The following NPHS2 variants were observed in gnomAD, a reference collection of about 807,000 sequenced individuals.
The protein encoded by NPHS2 is NPHS2 stomatin family member, podocin, also known as podocin.
A neutral mutation model predicts 37.1 loss-of-function variants in NPHS2; 36 were observed. The observed-to-expected ratio is 0.97, with a 90% CI of 0.74 to 1.28. The LOEUF is 1.28. Among genes scored for constraint, NPHS2 ranks in the 50% most tolerant of loss-of-function variants. The pLI is 0.00. For synonymous variants in NPHS2, 196 were observed against 189.3 expected (o/e 1.04, Z -0.29); for missense variants, 447 against 488.1 (o/e 0.92, Z 0.79).
At chr1:179,571,571 G>A (rs745436735) in intron 1 of NPHS2, among the ~76,000 whole-genome samples, 23 of 152,216 alleles carry the variant, frequency 1.5e-4, no homozygotes, top group Non-Finnish European at 2.4e-4. Context: ...GAGCTCAAAC[G>A]CTGTGCTGGG....
At chr1:179,560,295 A>G (rs1320370478) in intron 3 of NPHS2, among the ~76,000 whole-genome samples, 1 of 152,128 alleles carries the variant, frequency 6.6e-6, no homozygotes, top group African/African-American at 2.4e-5. Context: ...ACCCAATATA[A>G]TATATAGGAT....
In NPHS2 at chr1:179,552,947, C is replaced by A. The variant is rs11799973; in HGVS notation, c.795-266G>T. On this transcript the variant is annotated intron_variant, in intron 6 of 7. Transcript: ENST00000367615. ...GCACAGCAGGTTTTGTATTGATGAG[C>A]TGTGCTCAGTTTTTCCGCTTAGGAT... Among the ~76,000 whole-genome samples the A allele has an allele frequency of 0.052, 7,938 of 152,280 alleles. 281 individuals carry two copies. Among genetic ancestry groups the A allele is most frequent in the Non-Finnish European group, 0.07 (4,771 of 68,026 alleles).
At chr1:179,552,439 G>A (rs1387557570) in intron 7 of NPHS2, 164 bp downstream of exon 7, 1 of 665,140 alleles carries the variant, frequency 1.5e-6, no homozygotes, top group Admixed American at 2.1e-5. Flanking sequence ...TTAGTCAGGG[G>A]ACTATTAACA....
chr1:179,558,246 T>TC (rs34024342), intron 4 of NPHS2, among the ~76,000 whole-genome samples: 93,681 of 151,800 alleles, frequency 0.62, 29,052 homozygotes, highest in Admixed American at 0.64. Context: ...TTTCTCCTTC[T>TC]CTCAACCCCT....
chr1:179,550,979 C>T lies in NPHS2; in HGVS notation c.*194G>A, dbSNP rs1673163590. The T allele has an allele frequency of 7.5e-6, 5 of 668,168 alleles. No individual in the cohort carries two copies. Among genetic ancestry groups the T allele is most frequent in the Non-Finnish European group, 1.3e-5 (5 of 389,750 alleles). 41.4% of individuals were successfully genotyped at this position (668,168 alleles called of 1,614,324 possible). On this transcript the variant is annotated 3_prime_UTR_variant, in exon 8 of 8. Transcript: ENST00000367615. Reference sequence around the variant, plus strand: ...GCTCTGACTAGATGAGTCACGGAAACATGTTGTCTGCCTTCTCTGTCATTA... The same window carrying T: ...GCTCTGACTAGATGAGTCACGGAAATATGTTGTCTGCCTTCTCTGTCATTA...
chr1:179,552,082 C>G (rs1477229885), intron 7 of NPHS2: 1 of 168,838 alleles, frequency 5.9e-6, no homozygotes, highest in Non-Finnish European at 1.3e-5. Flanking sequence ...GCCCCCTCAC[C>G]CACACCTCAG....
chr1:179,559,075 C>T (rs187955342), intron 4 of NPHS2, among the ~76,000 whole-genome samples: 39 of 152,200 alleles, frequency 2.6e-4, no homozygotes, highest in African/African-American at 9.4e-4. Context: ...GGCTCATGTG[C>T]TTATGGAAGC....
At chr1:179,562,488 A>G (rs1030856981) in intron 2 of NPHS2, among the ~76,000 whole-genome samples, 3 of 152,220 alleles carry the variant, frequency 2.0e-5, no homozygotes, top group Non-Finnish European at 4.4e-5. Flanking sequence ...ATTTGTGACT[A>G]TAGACAAATT....
At chr1:179,561,896 C>T (rs1441387253) in intron 2 of NPHS2, among the ~76,000 whole-genome samples, 2 of 152,066 alleles carry the variant, frequency 1.3e-5, no homozygotes, top group Non-Finnish European at 2.9e-5. Context: ...ACCTCTGCCT[C>T]CCGGGTTCAA....
Position 179,551,095 on chromosome 1 carries a change from T to C in NPHS2, c.*78A>G. On this transcript the variant is annotated 3_prime_UTR_variant, in exon 8 of 8. Coordinates refer to ENST00000367615, the MANE Select transcript of NPHS2 (RefSeq NM_014625.4). Reference sequence around the variant, plus strand: ...TGGCAACCAAAGGAAGGGCAGGGAATGAGGACAGAGTGTCTCCCTCAGGCA... The same window carrying C: ...TGGCAACCAAAGGAAGGGCAGGGAACGAGGACAGAGTGTCTCCCTCAGGCA... 1 of 1,582,892 alleles carries C rather than the reference T, an allele frequency of 6.3e-7. No homozygotes were observed. Among genetic ancestry groups the C allele is most frequent in the Non-Finnish European group, 8.7e-7 (1 of 1,154,430 alleles).
chr1:179,563,068 G>C (rs1165693376), intron 2 of NPHS2, among the ~76,000 whole-genome samples: 1 of 152,136 alleles, frequency 6.6e-6, no homozygotes, highest in Non-Finnish European at 1.5e-5. Flanking sequence ...ACTATACACT[G>C]TCTATAGGAG....
chr1:179,570,306 A>C (rs1289359966), intron 1 of NPHS2, among the ~76,000 whole-genome samples: 1 of 152,230 alleles, frequency 6.6e-6, no homozygotes, highest in Non-Finnish European at 1.5e-5. Flanking sequence ...TTCAGAGCTG[A>C]GATCCCGGAA....
intron 3 of NPHS2, among the ~76,000 whole-genome samples, chr1:179,560,073 A>C (rs1053929530): frequency 6.6e-6 from 1 of 152,152 alleles, no homozygotes; most frequent in African/African-American, 2.4e-5. Flanking sequence ...TTTCCTAAGT[A>C]GTGTCCTATG....
intron 4 of NPHS2, among the ~76,000 whole-genome samples, chr1:179,558,065 G>A (rs946054472): frequency 6.6e-6 from 1 of 151,640 alleles, no homozygotes; most frequent in Admixed American, 6.6e-5. Flanking sequence ...TTTGTTTATT[G>A]TGTTAAAATA....
chr1:179,564,522 C>T (rs1674261662), intron 2 of NPHS2, among the ~76,000 whole-genome samples, 168 bp downstream of exon 2: 1 of 152,188 alleles, frequency 6.6e-6, no homozygotes, highest in Admixed American at 6.5e-5. Context: ...TTCCTGTTCA[C>T]ATTTGAGCAA....
chr1:179,572,977 G>A lies in NPHS2; in HGVS notation c.274+2614C>T, dbSNP rs560972021. 5.3e-5 allele frequency among the ~76,000 whole-genome samples: 8 copies of A among 152,198 alleles called. No individual in the cohort carries two copies. In the East Asian group the frequency reaches 1.5e-3, roughly 29 times the overall value. On this transcript the variant is annotated intron_variant, in intron 1 of 7. Transcript: ENST00000367615. ...AGCCTCTCAAGTAGCTGGGACTACA[G>A]GTGCATGCCACCTTACCTGGCTAAT...
At position 179,552,797 on chromosome 1, in the gene NPHS2, G is replaced by T. The variant is rs2274626; in HGVS notation, c.795-116C>A. The T allele has an allele frequency of 0.38, 299,582 of 785,896 alleles. 58,824 individuals carry two copies. The highest frequency in any genetic ancestry group is 0.55 in the African/African-American group (32,746 of 59,142). The allele number at this position is 785,896 out of a possible 1,614,324, so 48.7% of individuals were successfully genotyped here. A position where few individuals can be genotyped will look rare whatever the true frequency, so the allele number is the denominator to read the frequency against. ...TCTCATGATGAGTAGCAAATTTGGA[G>T]TGACCAGAGTGTGCCATTCCTAGAC... On this transcript the variant is annotated intron_variant, in intron 6 of 7. Coordinates refer to ENST00000367615, the MANE Select transcript of NPHS2 (RefSeq NM_014625.4).
At chr1:179,561,420 C>T (rs1674133792) in intron 2 of NPHS2, 59 bp from the exon 3 acceptor site, 1 of 1,338,772 alleles carries the variant, frequency 7.5e-7, no homozygotes, top group Non-Finnish European at 1.1e-6. Flanking sequence ...TTCAAAAGGC[C>T]TTGGCATAAG....
In NPHS2 at chr1:179,551,163, C is replaced by A; in HGVS notation, c.*10G>T. On this transcript the variant is annotated 3_prime_UTR_variant, in exon 8 of 8. Coordinates refer to ENST00000367615, the MANE Select transcript of NPHS2 (RefSeq NM_014625.4). ...AGGCCCCTTTACAGTCACATTATGC[C>A]CCATCCTTCCTATAACATGGGAGAG... 1 of 1,613,712 alleles carries A rather than the reference C, an allele frequency of 6.2e-7. No individual in the cohort carries two copies. The highest frequency in any genetic ancestry group is 8.5e-7 in the Non-Finnish European group (1 of 1,179,982).
Sources: allele counts gnomAD v4.1 joint callset (sites outside exome capture counted in the v4.1 genomes callset), GRCh38; gene constraint gnomAD v4.1.1; transcripts MANE v1.5; gene names NCBI Gene and HGNC (gene_info 2026-07-23, HGNC 2026-07-21).